SLC25A37: variants seen among roughly 807,000 people sequenced by gnomAD.
SLC25A37 encodes the protein solute carrier family 25 member 37.
SLC25A37 carries 17 observed loss-of-function variants against 31.0 expected under a neutral mutation model. That is an observed-to-expected ratio of 0.55 (90% CI 0.38 to 0.82). The LOEUF (loss-of-function observed/expected upper bound fraction) is 0.82. SLC25A37 is among the 40% of genes least tolerant of loss of function. The probability of loss-of-function intolerance (pLI) is 0.00; values close to 1 mark genes in which losing one functional copy is unlikely to be tolerated. For missense variants in SLC25A37, 404 were observed against 465.8 expected, an observed-to-expected ratio of 0.87 and a Z score of 1.22; for synonymous variants, 222 against 193.0, an observed-to-expected ratio of 1.15 and a Z score of -1.24.
At chr8:23,548,879 C>G (rs1585185439) in intron 1 of SLC25A37, among the ~76,000 whole-genome samples, 2 of 152,300 alleles carry the variant, frequency 1.3e-5, no homozygotes, top group East Asian at 3.9e-4. Flanking sequence ...ATGTCCTACA[C>G]TTCGTTTCAG....
chr8:23,541,373 C>G (rs1408874652), intron 1 of SLC25A37: 1 of 152,328 alleles, frequency 6.6e-6, no homozygotes, highest in Non-Finnish European at 1.5e-5. Flanking sequence ...CCCCCAGGAG[C>G]AGGAAGGTGA....
chr8:23,547,487 A>G (rs1213862040), intron 1 of SLC25A37, among the ~76,000 whole-genome samples: 1 of 152,240 alleles, frequency 6.6e-6, no homozygotes, highest in African/African-American at 2.4e-5. Flanking sequence ...AAATGTCAAG[A>G]TTGAACTAAC....
At position 23,573,023 on chromosome 8, in the gene SLC25A37, G is replaced by A. The variant is rs1802902763; in HGVS notation, c.*1168G>A. On this transcript the variant is annotated 3_prime_UTR_variant, in exon 4 of 4. Transcript: ENST00000519973. ...AACGTGATCTATGTGTGTTTTGACT[G>A]AATCTCATCTCCTGTGTTTCCCTGT... 1.3e-5 allele frequency: 2 copies of A among 152,278 alleles called. No individual in the cohort carries two copies. Among genetic ancestry groups the A allele is most frequent in the Non-Finnish European group, 2.9e-5 (2 of 68,108 alleles). 9.4% of individuals were successfully genotyped at this position (152,278 alleles called of 1,614,324 possible). A position where few individuals can be genotyped will look rare whatever the true frequency, so the allele number is the denominator to read the frequency against.
intron 1 of SLC25A37, among the ~76,000 whole-genome samples, chr8:23,549,083 G>A (rs904877319): frequency 1.3e-5 from 2 of 152,082 alleles, no homozygotes; most frequent in East Asian, 1.9e-4. Flanking sequence ...ATTTTTTATC[G>A]ATAGGATTTT....
rs1248858479 is a variant in SLC25A37, at chr8:23,550,200, A to AC, written c.211-15908_211-15907insC. 4.5e-5 allele frequency among the ~76,000 whole-genome samples: 6 copies of AC among 133,608 alleles called. 1 individual carries two copies. The highest frequency in any genetic ancestry group is 2.3e-4 in the South Asian group (1 of 4,334). The allele number at this position is 133,608 out of a possible 152,430, so 87.7% of individuals were successfully genotyped here. A position where few individuals can be genotyped will look rare whatever the true frequency, so the allele number is the denominator to read the frequency against. On this transcript the variant is annotated intron_variant, in intron 1 of 3. Coordinates refer to ENST00000519973, the MANE Select transcript of SLC25A37 (RefSeq NM_016612.4). The stretch of plus-strand genomic sequence containing the variant: ...CCGTTTCAAAAAAAAAAAAAAAAAA[A>AC]ACACAAAAAAACAAAAACCCGCTTT...
intron 1 of SLC25A37, among the ~76,000 whole-genome samples, chr8:23,545,942 C>G (rs1020617917): frequency 6.6e-6 from 1 of 152,148 alleles, no homozygotes; most frequent in African/African-American, 2.4e-5. Flanking sequence ...TGAGACCAGC[C>G]TGGCCAACAT....
chr8:23,567,533 A>AGT, intron 2 of SLC25A37: 2 of 153,070 alleles, frequency 1.3e-5, no homozygotes, highest in Non-Finnish European at 2.9e-5. Context: ...AATGATTATA[A>AGT]GTGTGTGTGT....
At chr8:23,550,800 C>A (rs543467038) in intron 1 of SLC25A37, among the ~76,000 whole-genome samples, 7 of 152,224 alleles carry the variant, frequency 4.6e-5, no homozygotes, top group Non-Finnish European at 1.0e-4. Flanking sequence ...TATCTGTGCC[C>A]TGTAGTACCC....
At chr8:23,551,447 G>A (rs1228328067) in intron 1 of SLC25A37, among the ~76,000 whole-genome samples, 12 of 152,136 alleles carry the variant, frequency 7.9e-5, no homozygotes, top group Admixed American at 7.8e-4. Context: ...CCACATCCCA[G>A]TGTTGTGTCT....
chr8:23,544,554 T>C (rs1033984186), intron 1 of SLC25A37, among the ~76,000 whole-genome samples: 5 of 152,112 alleles, frequency 3.3e-5, no homozygotes, highest in African/African-American at 1.2e-4. Context: ...ATCATTCCTT[T>C]CAGGAGTGAT....
chr8:23,553,692 G>A (rs1802288697), intron 1 of SLC25A37, among the ~76,000 whole-genome samples: 1 of 152,172 alleles, frequency 6.6e-6, no homozygotes. Context: ...ACCTCAGCTG[G>A]TTAATGTCTC....
At chr8:23,559,354 CGTGTGT>C (rs775824828) in intron 1 of SLC25A37, among the ~76,000 whole-genome samples, 1 of 150,924 alleles carries the variant, frequency 6.6e-6, no homozygotes, top group Non-Finnish European at 1.5e-5. Flanking sequence ...TGTGTGTGTG[CGTGTGT>C]GTGCGCGCGC....
At position 23,574,322 on chromosome 8, in the gene SLC25A37, T is replaced by G. The variant is rs963525546; in HGVS notation, c.*2467T>G. On this transcript the variant is annotated 3_prime_UTR_variant, in exon 4 of 4. Transcript: ENST00000519973. ...TCTACTAAAAATACAAAAAATTAGC[T>G]GGGCATGGTGGCAGGCACCTGTAAT... 2 of 155,206 alleles carry G rather than the reference T, an allele frequency of 1.3e-5. No homozygotes were observed. Among genetic ancestry groups the G allele is most frequent in the Non-Finnish European group, 2.9e-5 (2 of 69,738 alleles). 9.6% of individuals were successfully genotyped at this position (155,206 alleles called of 1,614,324 possible).
chr8:23,575,368 G>A lies in SLC25A37; in HGVS notation c.*3513G>A, dbSNP rs1026539335. On this transcript the variant is annotated 3_prime_UTR_variant, in exon 4 of 4. Coordinates refer to ENST00000519973, the MANE Select transcript of SLC25A37 (RefSeq NM_016612.4). ...CAATTGTTGCCAGCTCTTTGAAGAA[G>A]GGGAGAATTGTGTGTTTTTGTGTGG... 2.6e-5 allele frequency: 4 copies of A among 152,156 alleles called. No homozygotes were observed. Among genetic ancestry groups the A allele is most frequent in the African/African-American group, 9.7e-5 (4 of 41,430 alleles). 9.4% of individuals were successfully genotyped at this position (152,156 alleles called of 1,614,324 possible).
At chr8:23,548,382 G>T (rs567392637) in intron 1 of SLC25A37, among the ~76,000 whole-genome samples, 1 of 151,294 alleles carries the variant, frequency 6.6e-6, no homozygotes, top group East Asian at 2.0e-4. Context: ...ATTTCACCAT[G>T]TTGGTCAGGA....
chr8:23,559,754 G>A (rs899869653), intron 1 of SLC25A37, among the ~76,000 whole-genome samples: 2 of 152,164 alleles, frequency 1.3e-5, no homozygotes, highest in Non-Finnish European at 2.9e-5. Flanking sequence ...TACAGTATTT[G>A]TCTTTTTGTG....
intron 1 of SLC25A37, among the ~76,000 whole-genome samples, chr8:23,540,737 G>A (rs541948636): frequency 6.6e-6 from 1 of 152,296 alleles, no homozygotes; most frequent in South Asian, 2.1e-4. Context: ...ACTGGGAAGA[G>A]CACTACATCA....
At chr8:23,539,106 C>T (rs1801837599) in intron 1 of SLC25A37, among the ~76,000 whole-genome samples, 1 of 152,198 alleles carries the variant, frequency 6.6e-6, no homozygotes, top group African/African-American at 2.4e-5. Context: ...TTGTCGGGTA[C>T]TAAGAGGTGT....
intron 1 of SLC25A37, among the ~76,000 whole-genome samples, chr8:23,548,761 C>T (rs528394137): frequency 6.6e-6 from 1 of 152,164 alleles, no homozygotes; most frequent in Non-Finnish European, 1.5e-5. Flanking sequence ...TGAGTCACTG[C>T]GCCTGGCCAA....
Sources: allele counts gnomAD v4.1 joint callset (sites outside exome capture counted in the v4.1 genomes callset), GRCh38; gene constraint gnomAD v4.1.1; transcripts MANE v1.5; gene names NCBI Gene and HGNC (gene_info 2026-07-23, HGNC 2026-07-21).